Variants in SCTR observed in about 807,000 individuals in gnomAD.
SCTR encodes the protein pancreatic secretin receptor.
In SCTR, 56 loss-of-function variants were observed where a neutral mutation model predicts 60.8. That is an observed-to-expected ratio of 0.92 (90% confidence interval 0.74 to 1.15). The LOEUF (loss-of-function observed/expected upper bound fraction) is 1.15. Ranked by LOEUF, SCTR falls within the 50% of genes most tolerant of loss-of-function variation. The pLI is 0.00. For synonymous variants in SCTR, 202 were observed against 217.0 expected, an observed-to-expected ratio of 0.93 and a Z score of 0.61; for missense variants, 562 against 550.4, an observed-to-expected ratio of 1.02 and a Z score of -0.21.
At chr2:119,494,264 C>T (rs1379530454) in intron 2 of SCTR, among the ~76,000 whole-genome samples, 164 bp downstream of exon 2, 2 of 152,190 alleles carry the variant, frequency 1.3e-5, no homozygotes, top group South Asian at 2.1e-4. Flanking sequence ...GCGATCTGCT[C>T]ACCAGAACCA....
chr2:119,492,870 ATTTATTTATTTT>A lies in SCTR; in HGVS notation c.193+1546_193+1557del, dbSNP rs1171025881. On this transcript the variant is annotated intron_variant, in intron 2 of 12. Transcript: ENST00000019103. ...TATTTATTTATTTATTTATTTATTT[ATTTATTTATTTT>A]GAGACAGAGTCTCACTCTGTCACCC... is the stretch of plus-strand genomic sequence containing the variant. 2.7e-5 allele frequency among the ~76,000 whole-genome samples: 4 copies of A among 147,380 alleles called. No homozygotes were observed. In the South Asian group the frequency reaches 8.7e-4, roughly 32 times the overall value.
intron 4 of SCTR, among the ~76,000 whole-genome samples, chr2:119,470,663 G>T (rs1008675258): frequency 2.0e-5 from 3 of 152,188 alleles, no homozygotes; most frequent in Non-Finnish European, 4.4e-5. Context: ...TCCATTATTC[G>T]TACTGATTAG....
At chr2:119,451,966 G>A (rs369794215) in intron 9 of SCTR, 44 bp downstream of exon 9, 24 of 1,264,114 alleles carry the variant, frequency 1.9e-5, no homozygotes, top group African/African-American at 1.5e-4. Flanking sequence ...CACCATTTCC[G>A]TCTCTCCCAC....
chr2:119,473,407 T>C (rs1203409926), intron 4 of SCTR, 46 bp downstream of exon 4: 7 of 1,364,194 alleles, frequency 5.1e-6, no homozygotes, highest in South Asian at 1.2e-5. Flanking sequence ...CCTCACCCTA[T>C]AGGTTCCTGT....
intron 3 of SCTR, among the ~76,000 whole-genome samples, chr2:119,475,898 G>A (rs1468984949): frequency 6.6e-6 from 1 of 151,868 alleles, no homozygotes; most frequent in Non-Finnish European, 1.5e-5. Context: ...GATGCCGCTG[G>A]GGAATTGTGT....
chr2:119,466,606 G>C (rs1016802753), intron 4 of SCTR, among the ~76,000 whole-genome samples: 2 of 152,212 alleles, frequency 1.3e-5, no homozygotes, highest in South Asian at 4.2e-4. Context: ...TTTAAAATTA[G>C]CCAGGCACAA....
intron 4 of SCTR, among the ~76,000 whole-genome samples, chr2:119,469,464 G>C (rs540540336): frequency 6.6e-6 from 1 of 151,982 alleles, no homozygotes; most frequent in African/African-American, 2.4e-5. Flanking sequence ...CTCCCTGAAG[G>C]TTTCATGTGA....
At chr2:119,488,999 C>A (rs956380663) in intron 2 of SCTR, among the ~76,000 whole-genome samples, 3 of 152,120 alleles carry the variant, frequency 2.0e-5, no homozygotes, top group Non-Finnish European at 4.4e-5. Context: ...GACCCTCTGC[C>A]GCCACGGGGA....
intron 2 of SCTR, among the ~76,000 whole-genome samples, chr2:119,487,756 G>T (rs1573888847): frequency 6.6e-6 from 1 of 152,226 alleles, no homozygotes; most frequent in East Asian, 1.9e-4. Context: ...TGGCTGAAGA[G>T]TTAATTTTTT....
intron 7 of SCTR, among the ~76,000 whole-genome samples, chr2:119,460,792 A>C (rs779204326): frequency 3.5e-4 from 54 of 152,332 alleles, no homozygotes; most frequent in Middle Eastern, 3.4e-3. Context: ...TCTTTCCTAG[A>C]CAATGAATCC....
chr2:119,448,114 C>T (rs1448955945), intron 10 of SCTR, among the ~76,000 whole-genome samples: 1 of 152,168 alleles, frequency 6.6e-6, no homozygotes, highest in African/African-American at 2.4e-5. Flanking sequence ...AGAGCAAAGA[C>T]CCTGTGAGGA....
At chr2:119,488,245 C>T (rs1677964195) in intron 2 of SCTR, among the ~76,000 whole-genome samples, 1 of 152,150 alleles carries the variant, frequency 6.6e-6, no homozygotes, top group Non-Finnish European at 1.5e-5. Context: ...GGTGGGGGGC[C>T]AGCTGAGCCA....
chr2:119,478,289 A>G (rs1377290493), intron 3 of SCTR, among the ~76,000 whole-genome samples: 3 of 152,222 alleles, frequency 2.0e-5, no homozygotes, highest in Admixed American at 1.3e-4. Context: ...CTTCTAATCA[A>G]TGTGAGTCAA....
chr2:119,465,419 AC>A (rs1232676980), intron 5 of SCTR, among the ~76,000 whole-genome samples: 1 of 152,174 alleles, frequency 6.6e-6, no homozygotes, highest in Non-Finnish European at 1.5e-5. Context: ...CTTGCCACTT[AC>A]ATGGGTCAGG....
intron 3 of SCTR, among the ~76,000 whole-genome samples, chr2:119,477,648 A>G (rs1218495855): frequency 6.6e-6 from 1 of 152,050 alleles, no homozygotes; most frequent in Non-Finnish European, 1.5e-5. Flanking sequence ...ATGGGGTTTC[A>G]CCATGTTGGC....
intron 7 of SCTR, among the ~76,000 whole-genome samples, chr2:119,454,875 T>C (rs1011114067): frequency 1.3e-5 from 2 of 150,220 alleles, no homozygotes; most frequent in African/African-American, 2.5e-5. Flanking sequence ...AAATGTAAAA[T>C]ATGTCATTAC....
intron 4 of SCTR, among the ~76,000 whole-genome samples, chr2:119,471,451 A>C (rs1215802612): frequency 6.6e-6 from 1 of 152,160 alleles, no homozygotes; most frequent in Non-Finnish European, 1.5e-5. Flanking sequence ...GACCTCGTGT[A>C]TGTTCCCAAT....
intron 2 of SCTR, among the ~76,000 whole-genome samples, chr2:119,484,397 A>T (rs766436771): frequency 1.3e-5 from 2 of 152,084 alleles, no homozygotes; most frequent in African/African-American, 4.8e-5. Flanking sequence ...CAATGCCACC[A>T]CCTGGGGAGG....
chr2:119,453,388 C>A (rs1484439661), intron 7 of SCTR, 41 bp from the exon 8 acceptor site: 1 of 1,510,396 alleles, frequency 6.6e-7, no homozygotes, highest in Non-Finnish European at 9.2e-7. Flanking sequence ...AGAGAGAGGA[C>A]TCAATTTTCA....
Sources: gnomAD v4.1 joint callset for allele counts (sites outside exome capture counted in the v4.1 genomes callset) on GRCh38, gnomAD v4.1.1 for gene constraint, MANE v1.5 for transcripts, NCBI Gene and HGNC (gene_info 2026-07-23, HGNC 2026-07-21) for gene names.